SUGCT: variants seen among roughly 807,000 people sequenced by gnomAD.
SUGCT encodes the protein succinyl-CoA:glutarate CoA-transferase.
A neutral mutation model predicts 55.0 loss-of-function variants in SUGCT; 41 were observed. The ratio of observed to expected loss-of-function variants is 0.74; its 90% CI spans 0.58 to 0.97. The LOEUF (loss-of-function observed/expected upper bound fraction) is 0.97, where lower values mean the gene tolerates loss of function less well. SUGCT is among the 50% of genes least tolerant of loss of function. The probability of loss-of-function intolerance (pLI) is 0.00; values close to 1 mark genes in which losing one functional copy is unlikely to be tolerated. For missense variants in SUGCT, 568 were observed against 547.8 expected (o/e 1.04, Z -0.37); for synonymous variants, 187 against 200.4 (o/e 0.93, Z 0.56).
chr7:40,841,264 C>G (rs1387874037), intron 13 of SUGCT, among the ~76,000 whole-genome samples: 1 of 152,022 alleles, frequency 6.6e-6, no homozygotes, highest in Non-Finnish European at 1.5e-5. Context: ...AACTTTTTTA[C>G]AGACAATAAT....
intron 11 of SUGCT, among the ~76,000 whole-genome samples, chr7:40,474,799 T>A (rs1215432325): frequency 6.6e-6 from 1 of 152,212 alleles, no homozygotes; most frequent in Non-Finnish European, 1.5e-5. Context: ...ATGTGACTTC[T>A]GTGTTTCAGA....
At chr7:40,713,851 A>G (rs1471807809) in intron 12 of SUGCT, among the ~76,000 whole-genome samples, 1 of 152,214 alleles carries the variant, frequency 6.6e-6, no homozygotes, top group Non-Finnish European at 1.5e-5. Context: ...CATCATGCAT[A>G]AACTTTTCTC....
intron 12 of SUGCT, among the ~76,000 whole-genome samples, chr7:40,708,709 C>T (rs1026037044): frequency 1.3e-5 from 2 of 152,156 alleles, no homozygotes; most frequent in African/African-American, 4.8e-5. Context: ...CGCCTGAGCA[C>T]TCTAGATATC....
At chr7:40,858,220 G>A (rs1169395258) in intron 13 of SUGCT, among the ~76,000 whole-genome samples, 2 of 151,722 alleles carry the variant, frequency 1.3e-5, no homozygotes, top group Admixed American at 6.6e-5. Flanking sequence ...CCTGACCAAC[G>A]TGGAGAAACC....
At chr7:40,965,691 G>A in the SUGCT span, 1 of 152,270 alleles carries the variant, frequency 6.6e-6, no homozygotes, top group African/African-American at 2.4e-5. Flanking sequence ...AAGTTTCAGA[G>A]ATTTGGTAAT....
At chr7:40,252,331 C>T (rs1790485455) in intron 7 of SUGCT, among the ~76,000 whole-genome samples, 1 of 152,076 alleles carries the variant, frequency 6.6e-6, no homozygotes, top group Non-Finnish European at 1.5e-5. Flanking sequence ...GTTACCAAGG[C>T]TGGTCTCTAA....
At chr7:40,455,660 T>C (rs1016927842) in intron 10 of SUGCT, among the ~76,000 whole-genome samples, 2 of 152,206 alleles carry the variant, frequency 1.3e-5, no homozygotes, top group African/African-American at 4.8e-5. Context: ...GATCAGATGA[T>C]CTGAATTTGT....
the SUGCT span, among the ~76,000 whole-genome samples, chr7:40,955,998 A>T: frequency 1.7e-3 from 262 of 152,290 alleles, no homozygotes; most frequent in African/African-American, 5.6e-3. Flanking sequence ...ATGGTGGATA[A>T]GCTTTTTAAT....
chr7:40,642,375 A>G (rs747556707), intron 12 of SUGCT, among the ~76,000 whole-genome samples: 34 of 152,156 alleles, frequency 2.2e-4, no homozygotes, highest in Non-Finnish European at 3.5e-4. Flanking sequence ...GGCAGTTGGT[A>G]TGAAATGAGT....
intron 10 of SUGCT, among the ~76,000 whole-genome samples, chr7:40,451,954 C>T (rs993511627): frequency 1.3e-5 from 2 of 152,202 alleles, no homozygotes; most frequent in African/African-American, 2.4e-5. Context: ...GTTCTTTCGT[C>T]AAGTACACTC....
chr7:40,937,523 TG>T, the SUGCT span, among the ~76,000 whole-genome samples: 1 of 152,214 alleles, frequency 6.6e-6, no homozygotes, highest in South Asian at 2.1e-4. Context: ...ATTGTTGAAT[TG>T]TTTATTTTTC....
intron 12 of SUGCT, among the ~76,000 whole-genome samples, chr7:40,719,806 G>A (rs1406254499): frequency 6.6e-6 from 1 of 152,054 alleles, no homozygotes; most frequent in African/African-American, 2.4e-5. Flanking sequence ...ATTCTGTTTT[G>A]TTTTGTTTTT....
the SUGCT span, among the ~76,000 whole-genome samples, chr7:40,956,754 T>C: frequency 6.6e-6 from 1 of 152,230 alleles, no homozygotes; most frequent in Admixed American, 6.5e-5. Context: ...TATGGGCATT[T>C]AGTGCTATAA....
chr7:40,670,251 C>A, intron 12 of SUGCT, among the ~76,000 whole-genome samples: 1 of 146,648 alleles, frequency 6.8e-6, no homozygotes, highest in Admixed American at 6.8e-5. Context: ...ACTTCAAGAA[C>A]CTAGAAAAAG....
intron 9 of SUGCT, among the ~76,000 whole-genome samples, chr7:40,420,738 T>C (rs569025744): frequency 1.3e-5 from 2 of 152,220 alleles, no homozygotes; most frequent in East Asian, 3.9e-4. Context: ...CATGGACACA[T>C]GATCCTACCT....
chr7:40,282,425 G>A (rs548341259), intron 8 of SUGCT, among the ~76,000 whole-genome samples: 277 of 152,128 alleles, frequency 1.8e-3, no homozygotes, highest in Middle Eastern at 0.014. Flanking sequence ...CTGAGGTTGC[G>A]CCAGTGCACT....
At chr7:40,943,279 T>G in the SUGCT span, among the ~76,000 whole-genome samples, 27 of 151,090 alleles carry the variant, frequency 1.8e-4, no homozygotes, top group Non-Finnish European at 3.4e-4. Flanking sequence ...TTATTATTAT[T>G]ATTATTATTT....
At position 40,569,450 on chromosome 7, in the gene SUGCT, T is replaced by G. The variant is rs1281922739; in HGVS notation, c.1089+73064T>G. 2.0e-5 allele frequency among the ~76,000 whole-genome samples: 3 copies of G among 152,214 alleles called. No individual in the cohort carries two copies. The South Asian group carries it at 6.2e-4, about 32-fold the overall frequency. On this transcript the variant is annotated intron_variant, in intron 12 of 13. Transcript: ENST00000335693. ...AGAGCCAGCACATCTCCGCAGGAAC[T>G]AGCTGAATCTGATTCTGCTTCTCAC...
the SUGCT span, among the ~76,000 whole-genome samples, chr7:40,914,824 C>G: frequency 3.3e-5 from 5 of 151,950 alleles, no homozygotes; most frequent in Non-Finnish European, 5.9e-5. Context: ...TTAGAAGGCA[C>G]AATAAAGGTC....
Sources: gnomAD v4.1 joint callset for allele counts (sites outside exome capture counted in the v4.1 genomes callset) on GRCh38, gnomAD v4.1.1 for gene constraint, MANE v1.5 for transcripts, NCBI Gene and HGNC (gene_info 2026-07-23, HGNC 2026-07-21) for gene names.